SUGCT: variants seen among roughly 807,000 people sequenced by gnomAD.
SUGCT encodes the protein succinyl-CoA:glutarate-CoA transferase.
A neutral mutation model predicts 55.0 loss-of-function variants in SUGCT; 41 were observed. The ratio of observed to expected loss-of-function variants is 0.74; its 90% CI spans 0.58 to 0.97. The LOEUF (loss-of-function observed/expected upper bound fraction) is 0.97, where lower values mean the gene tolerates loss of function less well. Ranked by LOEUF, SUGCT falls within the 50% of genes least tolerant of loss-of-function variation. The pLI is 0.00. For synonymous variants in SUGCT, 187 were observed against 200.4 expected, an observed-to-expected ratio of 0.93 and a Z score of 0.56; for missense variants, 568 against 547.8, an observed-to-expected ratio of 1.04 and a Z score of -0.37.
At chr7:40,610,624 C>T (rs1197271488) in intron 12 of SUGCT, among the ~76,000 whole-genome samples, 1 of 152,188 alleles carries the variant, frequency 6.6e-6, no homozygotes, top group African/African-American at 2.4e-5. Flanking sequence ...GTTCAACTTA[C>T]ACCTCATCTG....
intron 9 of SUGCT, among the ~76,000 whole-genome samples, chr7:40,326,330 A>G (rs1014065516): frequency 6.6e-6 from 1 of 152,200 alleles, no homozygotes; most frequent in Non-Finnish European, 1.5e-5. Context: ...GACTCTAGAA[A>G]GCCCTCAATA....
the SUGCT span, among the ~76,000 whole-genome samples, chr7:41,005,278 C>T: frequency 6.6e-6 from 1 of 152,090 alleles, no homozygotes; most frequent in African/African-American, 2.4e-5. Context: ...GTGTTTGATA[C>T]AGACCTATCG....
At chr7:40,634,330 G>A (rs954434040) in intron 12 of SUGCT, among the ~76,000 whole-genome samples, 1 of 152,142 alleles carries the variant, frequency 6.6e-6, no homozygotes, top group African/African-American at 2.4e-5. Context: ...GCAACCCACC[G>A]CGGTGCATCT....
At chr7:40,765,681 G>C (rs924895160) in intron 13 of SUGCT, among the ~76,000 whole-genome samples, 3 of 152,142 alleles carry the variant, frequency 2.0e-5, no homozygotes, top group African/African-American at 4.8e-5. Flanking sequence ...CTTATGTAAA[G>C]GGTTTAGGAG....
chr7:40,149,406 A>C (rs1026756287), intron 1 of SUGCT, among the ~76,000 whole-genome samples: 6 of 152,172 alleles, frequency 3.9e-5, no homozygotes, highest in Admixed American at 2.0e-4. Context: ...TTAAACAAAG[A>C]CTGTAACAGC....
intron 12 of SUGCT, among the ~76,000 whole-genome samples, chr7:40,741,317 A>G (rs140125101): frequency 6.6e-6 from 1 of 152,248 alleles, no homozygotes; most frequent in Non-Finnish European, 1.5e-5. Context: ...AGCCAGTAGA[A>G]AAGCTTCTTG....
At chr7:40,677,628 T>G (rs1477491553) in intron 12 of SUGCT, among the ~76,000 whole-genome samples, 5 of 152,216 alleles carry the variant, frequency 3.3e-5, no homozygotes, top group Non-Finnish European at 7.3e-5. Context: ...TATGTCTCAC[T>G]GGTCAGAACG....
At chr7:40,645,135 G>A (rs1041172222) in intron 12 of SUGCT, among the ~76,000 whole-genome samples, 7 of 152,126 alleles carry the variant, frequency 4.6e-5, no homozygotes, top group Admixed American at 3.3e-4. Context: ...CACCTACCTC[G>A]CGGGGAGAGA....
intron 13 of SUGCT, among the ~76,000 whole-genome samples, chr7:40,823,539 T>A (rs926841868): frequency 1.3e-5 from 2 of 152,158 alleles, no homozygotes; most frequent in Non-Finnish European, 2.9e-5. Flanking sequence ...TACCATAGTT[T>A]TCCTTTTCCT....
At chr7:40,932,783 T>G in the SUGCT span, among the ~76,000 whole-genome samples, 1 of 151,406 alleles carries the variant, frequency 6.6e-6, no homozygotes, top group South Asian at 2.1e-4. Flanking sequence ...TCCATTTGCT[T>G]GGTAGATCTT....
chr7:40,487,797 G>A (rs746070981), intron 11 of SUGCT, among the ~76,000 whole-genome samples: 10 of 151,858 alleles, frequency 6.6e-5, no homozygotes, highest in Non-Finnish European at 1.3e-4. Context: ...TTGCATTAAA[G>A]CCTATTTTTT....
intron 13 of SUGCT, among the ~76,000 whole-genome samples, chr7:40,776,903 C>T (rs1789480247): frequency 6.6e-6 from 1 of 151,442 alleles, no homozygotes; most frequent in African/African-American, 2.4e-5. Context: ...AGGATGAAAT[C>T]CATTTGCCAT....
intron 12 of SUGCT, among the ~76,000 whole-genome samples, chr7:40,603,118 G>GT (rs1237091446): frequency 6.6e-6 from 1 of 152,162 alleles, no homozygotes; most frequent in Non-Finnish European, 1.5e-5. Context: ...GTGCTCATGT[G>GT]TTTTTAAGAA....
the SUGCT span, among the ~76,000 whole-genome samples, chr7:40,973,076 T>C: frequency 7.2e-5 from 11 of 152,180 alleles, no homozygotes; most frequent in Admixed American, 5.2e-4. Context: ...CATTTCCTGA[T>C]TGGTGTCAAG....
At chr7:40,171,566 T>C (rs933398854) in intron 1 of SUGCT, among the ~76,000 whole-genome samples, 2 of 152,256 alleles carry the variant, frequency 1.3e-5, no homozygotes, top group Non-Finnish European at 2.9e-5. Context: ...TCTAACAGAA[T>C]AGCTCTATAC....
chr7:40,374,250 G>A (rs1029766700), intron 9 of SUGCT, among the ~76,000 whole-genome samples: 1 of 152,138 alleles, frequency 6.6e-6, no homozygotes, highest in Non-Finnish European at 1.5e-5. Flanking sequence ...TACAGTTTGA[G>A]TTAATATTTG....
rs1052272091 is a variant in SUGCT at position 40,204,568 on chromosome 7, C to T, written c.484+9508C>T. Among the ~76,000 whole-genome samples, 14 of 151,994 alleles carry T rather than the reference C, an allele frequency of 9.2e-5. 1 individual carries two copies. The highest frequency in any genetic ancestry group is 4.6e-4 in the Admixed American group (7 of 15,260). On this transcript the variant is annotated intron_variant, in intron 6 of 13. Coordinates refer to ENST00000335693, the MANE Select transcript of SUGCT (RefSeq NM_001193313.2). ...CTGCCCGCCTCGGCCTCCCAAAGTGCTGGGATTACAGGCGTGAGCCACTGC... is the reference window on the plus strand; with the variant it reads ...CTGCCCGCCTCGGCCTCCCAAAGTGTTGGGATTACAGGCGTGAGCCACTGC...
intron 9 of SUGCT, among the ~76,000 whole-genome samples, chr7:40,387,292 G>T (rs1785174853): frequency 6.6e-6 from 1 of 152,096 alleles, no homozygotes; most frequent in Admixed American, 6.5e-5. Context: ...TGCCCTTCCT[G>T]TATGGTCTGA....
intron 9 of SUGCT, among the ~76,000 whole-genome samples, chr7:40,371,101 T>A (rs1784275095): frequency 6.6e-6 from 1 of 152,222 alleles, no homozygotes; most frequent in Admixed American, 6.5e-5. Context: ...ATATGAACAT[T>A]AAGAAAAAAA....
Sources: allele counts gnomAD v4.1 joint callset (sites outside exome capture counted in the v4.1 genomes callset), GRCh38; gene constraint gnomAD v4.1.1; transcripts MANE v1.5; gene names NCBI Gene and HGNC (gene_info 2026-07-23, HGNC 2026-07-21).